GPAT3: variants seen among roughly 807,000 people sequenced by gnomAD.
The protein encoded by GPAT3 is glycerol-3-phosphate acyltransferase 3, also known as 1-AGP acyltransferase 9.
A neutral mutation model predicts 58.8 loss-of-function variants in GPAT3; 53 were observed. The observed-to-expected ratio is 0.90, with a 90% CI of 0.72 to 1.13. The LOEUF is 1.13. Among genes scored for constraint, GPAT3 ranks in the 50% most tolerant of loss-of-function variants. The probability of loss-of-function intolerance (pLI) is 0.00; values close to 1 mark genes in which losing one functional copy is unlikely to be tolerated. For synonymous variants in GPAT3, 197 were observed against 187.4 expected (o/e 1.05, Z -0.42); for missense variants, 511 against 527.6 (o/e 0.97, Z 0.31).
At chr4:83,579,050 CTTT>C (rs1560621073) in intron 2 of GPAT3, among the ~76,000 whole-genome samples, 5,023 of 40,986 alleles carry the variant, frequency 0.12, 772 homozygotes, top group Middle Eastern at 0.15. Context: ...TTCTTTCTTT[CTTT>C]CTTTCTTTCT....
chr4:83,595,038 C>A, intron 7 of GPAT3, 78 bp downstream of exon 7: 1 of 1,248,220 alleles, frequency 8.0e-7, no homozygotes, highest in Non-Finnish European at 1.2e-6. Context: ...CAAAGAGGGC[C>A]GAGCAGCACT....
At chr4:83,591,725 C>T (rs1279132082) in intron 6 of GPAT3, among the ~76,000 whole-genome samples, 1 of 152,124 alleles carries the variant, frequency 6.6e-6, no homozygotes, top group Admixed American at 6.6e-5. Flanking sequence ...TTGACCTTCC[C>T]TGTAATCCAA....
rs574419371 is a variant in GPAT3 at position 83,562,924 on chromosome 4, C to T, written c.208+18322C>T. On this transcript the variant is annotated intron_variant, in intron 2 of 11. Transcript: ENST00000264409. ...GAATAATAGAAGTTGTCTACCAACT[C>T]CTCTTCAGAAACAAAAACATTGAAT... Among the ~76,000 whole-genome samples the T allele has an allele frequency of 8.5e-5, 13 of 152,256 alleles. No individual in the cohort carries two copies. The South Asian group carries it at 1.9e-3, about 22-fold the overall frequency.
At chr4:83,593,901 C>T (rs1726711710) in intron 6 of GPAT3, among the ~76,000 whole-genome samples, 1 of 152,094 alleles carries the variant, frequency 6.6e-6, no homozygotes, top group South Asian at 2.1e-4. Context: ...TGTAGGGTAT[C>T]AATATGCTTC....
chr4:83,555,813 A>C (rs1724922473), intron 2 of GPAT3, among the ~76,000 whole-genome samples: 1 of 151,992 alleles, frequency 6.6e-6, no homozygotes, highest in South Asian at 2.1e-4. Context: ...GTGGAATTTG[A>C]CTCTAACTCC....
rs1491374233 is a variant in GPAT3, at chr4:83,562,198, TAA to T, written c.208+17597_208+17598del. ...TATATATTATATATATATATATATATAATATATATATATTATATATATATATA... is the reference window on the plus strand; with the variant it reads ...TATATATTATATATATATATATATATTATATATATATTATATATATATATA... On this transcript the variant is annotated intron_variant, in intron 2 of 11. Transcript: ENST00000264409. Among the ~76,000 whole-genome samples, 100 of 40,834 alleles carry T rather than the reference TAA, an allele frequency of 2.4e-3. 1 individual carries two copies. Among genetic ancestry groups the T allele is most frequent in the East Asian group, 0.011 (17 of 1,614 alleles). The allele number at this position is 40,834 out of a possible 152,430, so 26.8% of individuals were successfully genotyped here.
chr4:83,603,011 A>T (rs1727117219), intron 11 of GPAT3, among the ~76,000 whole-genome samples: 1 of 151,744 alleles, frequency 6.6e-6, no homozygotes, highest in South Asian at 2.1e-4. Flanking sequence ...AGAACATTGC[A>T]TTTGTCTCAA....
intron 2 of GPAT3, among the ~76,000 whole-genome samples, chr4:83,561,806 TAAAAA>T (rs749084360): frequency 7.5e-6 from 1 of 133,194 alleles, no homozygotes; most frequent in African/African-American, 2.8e-5. Flanking sequence ...CCTTTTTTGG[TAAAAA>T]AAAAAAAAAG....
chr4:83,596,726 T>G, intron 7 of GPAT3, 132 bp from the exon 8 acceptor site: 1 of 689,892 alleles, frequency 1.4e-6, no homozygotes, highest in Non-Finnish European at 2.5e-6. Flanking sequence ...CAAATTTATT[T>G]CTTTTACCTG....
intron 1 of GPAT3, among the ~76,000 whole-genome samples, chr4:83,540,987 G>A (rs1724282534): frequency 6.6e-6 from 1 of 152,142 alleles, no homozygotes; most frequent in Non-Finnish European, 1.5e-5. Context: ...ACCATGCCTG[G>A]CTTTGTCCCT....
upstream of GPAT3, chr4:83,536,013 G>T: frequency 2.0e-6 from 2 of 985,470 alleles, no homozygotes; most frequent in South Asian, 9.4e-5. Context: ...GCACTCCTGG[G>T]CTAAGTACTG....
chr4:83,554,206 A>G (rs1393171293), intron 2 of GPAT3, among the ~76,000 whole-genome samples: 2 of 152,036 alleles, frequency 1.3e-5, no homozygotes, highest in Admixed American at 6.6e-5. Flanking sequence ...TTGTCCAGCC[A>G]TGTCTCGAAC....
chr4:83,556,958 G>A (rs1724965479), intron 2 of GPAT3, among the ~76,000 whole-genome samples: 1 of 152,198 alleles, frequency 6.6e-6, no homozygotes. Flanking sequence ...TTTGTACAGG[G>A]CTGTCCTTTT....
At chr4:83,584,320 A>G (rs894368947) in intron 3 of GPAT3, among the ~76,000 whole-genome samples, 24 of 152,354 alleles carry the variant, frequency 1.6e-4, no homozygotes, top group African/African-American at 5.8e-4. Context: ...CCAAGAACAA[A>G]AAGAAAATGC....
At chr4:83,561,751 A>G (rs1296284894) in intron 2 of GPAT3, among the ~76,000 whole-genome samples, 2 of 151,636 alleles carry the variant, frequency 1.3e-5, no homozygotes, top group African/African-American at 4.8e-5. Context: ...AAAAACAGGC[A>G]TTTTGTAATT....
intron 2 of GPAT3, among the ~76,000 whole-genome samples, chr4:83,545,135 G>C (rs1724458843): frequency 6.6e-6 from 1 of 152,132 alleles, no homozygotes; most frequent in Admixed American, 6.5e-5. Context: ...GCTCAGAAAA[G>C]TCCTGCAATA....
chr4:83,549,024 T>C (rs564145948), intron 2 of GPAT3, among the ~76,000 whole-genome samples: 14 of 152,188 alleles, frequency 9.2e-5, no homozygotes, highest in African/African-American at 3.4e-4. Context: ...ACAGAAAATA[T>C]GGGATCATAT....
chr4:83,558,062 A>G (rs182462776), intron 2 of GPAT3, among the ~76,000 whole-genome samples: 21 of 152,192 alleles, frequency 1.4e-4, no homozygotes, highest in Middle Eastern at 3.4e-3. Context: ...AAAATACACA[A>G]AATTAGCCGG....
chr4:83,556,423 A>C (rs1375763024), intron 2 of GPAT3, among the ~76,000 whole-genome samples: 1 of 152,050 alleles, frequency 6.6e-6, no homozygotes, highest in Non-Finnish European at 1.5e-5. Context: ...ACTTCAATCC[A>C]GGAGGTGGAG....
Sources: allele counts gnomAD v4.1 joint callset (sites outside exome capture counted in the v4.1 genomes callset), GRCh38; gene constraint gnomAD v4.1.1; transcripts MANE v1.5; gene names NCBI Gene and HGNC (gene_info 2026-07-23, HGNC 2026-07-21).